The following ZEB1 variants were observed in gnomAD, a reference collection of about 807,000 sequenced individuals.
The protein encoded by ZEB1 is zinc finger E-box-binding homeobox 1.
In ZEB1, 21 loss-of-function variants were observed where a neutral mutation model predicts 84.9. The observed-to-expected ratio is 0.25, with a 90% CI of 0.18 to 0.36. ZEB1 has a LOEUF of 0.36. ZEB1 is among the 10% of genes least tolerant of loss of function. The pLI is 1.00. For missense variants in ZEB1, 1,104 were observed against 1,330.2 expected, an observed-to-expected ratio of 0.83 and a Z score of 2.65; for synonymous variants, 420 against 471.1, an observed-to-expected ratio of 0.89 and a Z score of 1.41.
chr10:31,335,880 A>G (rs977945183), intron 1 of ZEB1, among the ~76,000 whole-genome samples: 6 of 152,102 alleles, frequency 3.9e-5, no homozygotes, highest in African/African-American at 1.2e-4. Flanking sequence ...GAATTACTCA[A>G]AGTTTAAATT....
intron 1 of ZEB1, among the ~76,000 whole-genome samples, chr10:31,345,882 C>G (rs192737062): frequency 3.3e-5 from 5 of 152,130 alleles, no homozygotes; most frequent in Admixed American, 6.5e-5. Context: ...TCCAAAGATG[C>G]CTTACCACCT....
intron 3 of ZEB1, among the ~76,000 whole-genome samples, chr10:31,496,981 G>A (rs2067327803): frequency 6.6e-6 from 1 of 152,038 alleles, no homozygotes; most frequent in South Asian, 2.1e-4. Flanking sequence ...TGGAGTATGT[G>A]ATAATTTGTG....
intron 1 of ZEB1, among the ~76,000 whole-genome samples, chr10:31,452,702 TG>T (rs1376855384): frequency 0.016 from 554 of 35,486 alleles, 2 homozygotes; most frequent in African/African-American, 0.029. Flanking sequence ...TAGGATAAAA[TG>T]TGTGTGTGTG....
chr10:31,395,768 G>C (rs161279), intron 1 of ZEB1, among the ~76,000 whole-genome samples: 37,779 of 152,120 alleles, frequency 0.25, 10,388 homozygotes, highest in African/African-American at 0.69. Flanking sequence ...AGTTATACTT[G>C]TGGAAAATTT....
rs548245293 is a variant in ZEB1, at chr10:31,439,737, G to A, written c.59-21300G>A. Among the ~76,000 whole-genome samples the A allele has an allele frequency of 9.2e-5, 14 of 152,268 alleles. No homozygotes were observed. The South Asian group carries it at 2.3e-3, about 25-fold the overall frequency. On this transcript the variant is annotated intron_variant, in intron 1 of 8. Coordinates refer to ENST00000424869, the MANE Select transcript of ZEB1 (RefSeq NM_001174096.2). ...CTCCCTGAGGAGGTGGAATTGGGCAGTTCATAAAGAATATTACAGGTAGAG... is the reference window on the plus strand; with the variant it reads ...CTCCCTGAGGAGGTGGAATTGGGCAATTCATAAAGAATATTACAGGTAGAG...
chr10:31,460,957 T>A, intron 1 of ZEB1, 80 bp from the exon 2 acceptor site: 1 of 1,121,864 alleles, frequency 8.9e-7, no homozygotes, highest in Non-Finnish European at 1.3e-6. Flanking sequence ...GTTTTAAGCA[T>A]CTTTTTTATT....
rs371523472 is a variant in ZEB1, at chr10:31,359,470, C to T, written c.58+40178C>T. Among the ~76,000 whole-genome samples, 39 of 152,212 alleles carry T rather than the reference C, an allele frequency of 2.6e-4. 1 individual carries two copies. Among genetic ancestry groups the T allele is most frequent in the African/African-American group, 8.2e-4 (34 of 41,556 alleles). ...GGCTCTAAAACTCCATTCTGAAATACTCTTTTAACTTTGAAAGGGGTATGT... is the reference window on the plus strand; with the variant it reads ...GGCTCTAAAACTCCATTCTGAAATATTCTTTTAACTTTGAAAGGGGTATGT... On this transcript the variant is annotated intron_variant, in intron 1 of 8. Coordinates refer to ENST00000424869, the MANE Select transcript of ZEB1 (RefSeq NM_001174096.2).
chr10:31,358,868 A>T (rs1420049535), intron 1 of ZEB1, among the ~76,000 whole-genome samples: 3 of 151,852 alleles, frequency 2.0e-5, no homozygotes, highest in Non-Finnish European at 2.9e-5. Context: ...CATAGTCATT[A>T]CAAACAAATG....
In ZEB1 at chr10:31,353,775, A is replaced by G. The variant is rs77612106; in HGVS notation, c.58+34483A>G. Among the ~76,000 whole-genome samples the G allele has an allele frequency of 5.6e-3, 849 of 152,316 alleles. 13 individuals carry two copies. Among genetic ancestry groups the G allele is most frequent in the African/African-American group, 0.02 (814 of 41,570 alleles). On this transcript the variant is annotated intron_variant, in intron 1 of 8. Transcript: ENST00000424869. Reference sequence around the variant, plus strand: ...TTTAGTCTCATTAGTCACCAGCACCACCAACCTGTCATATTGGCAATACAT... The same window carrying G: ...TTTAGTCTCATTAGTCACCAGCACCGCCAACCTGTCATATTGGCAATACAT...
chr10:31,474,475 G>A (rs948140532), intron 2 of ZEB1, among the ~76,000 whole-genome samples: 14 of 152,094 alleles, frequency 9.2e-5, no homozygotes, highest in African/African-American at 3.1e-4. Flanking sequence ...CATCATCACT[G>A]GCCATCAGAG....
At chr10:31,450,873 C>CGTGTGTGTGTGTGTGT (rs137905132) in intron 1 of ZEB1, among the ~76,000 whole-genome samples, 1,591 of 149,534 alleles carry the variant, frequency 0.011, 17 homozygotes, top group Non-Finnish European at 0.019. Context: ...TAGGACTGAG[C>CGTGTGTGTGTGTGTGT]GTGTGTGTGT....
rs143916456 is a variant in ZEB1, at chr10:31,503,111, A to G, written c.484+602A>G. Among the ~76,000 whole-genome samples, 401 of 152,254 alleles carry G rather than the reference A, an allele frequency of 2.6e-3. 2 individuals carry two copies. The highest frequency in any genetic ancestry group is 6.1e-3 in the Admixed American group (94 of 15,292). ...AAATACAAAATTTAAAAATATATGT[A>G]TATTTACGTAAAATTTTTATGTGAC... is the stretch of plus-strand genomic sequence containing the variant. On this transcript the variant is annotated intron_variant, in intron 4 of 8. Transcript: ENST00000424869.
At position 31,346,071 on chromosome 10, in the gene ZEB1, A is replaced by G. The variant is rs149656830; in HGVS notation, c.58+26779A>G. Among the ~76,000 whole-genome samples, 443 of 152,276 alleles carry G rather than the reference A, an allele frequency of 2.9e-3. 1 individual carries two copies. The highest frequency in any genetic ancestry group is 5.4e-3 in the Admixed American group (83 of 15,290). Reference sequence around the variant, plus strand: ...TTGAAGCAGAAGCTACGATTTTCTTACTGTGTCCAGTTGTTTGGAAGTATG... The same window carrying G: ...TTGAAGCAGAAGCTACGATTTTCTTGCTGTGTCCAGTTGTTTGGAAGTATG... On this transcript the variant is annotated intron_variant, in intron 1 of 8. Transcript: ENST00000424869.
At chr10:31,419,016 G>A (rs1443146105) in intron 1 of ZEB1, among the ~76,000 whole-genome samples, 1 of 152,108 alleles carries the variant, frequency 6.6e-6, no homozygotes, top group Non-Finnish European at 1.5e-5. Flanking sequence ...TGCTCATCCT[G>A]TATTCTTAGT....
At chr10:31,484,225 T>C (rs868607382) in intron 2 of ZEB1, among the ~76,000 whole-genome samples, 42 of 152,002 alleles carry the variant, frequency 2.8e-4, no homozygotes, top group African/African-American at 9.9e-4. Context: ...GCAAAGTCCA[T>C]TTCACCATTT....
intron 5 of ZEB1, among the ~76,000 whole-genome samples, chr10:31,512,817 G>C (rs148235350): frequency 7.2e-5 from 11 of 152,250 alleles, no homozygotes; most frequent in African/African-American, 2.6e-4. Flanking sequence ...TCTGAGAATG[G>C]GATATCTGAA....
At chr10:31,436,939 C>T (rs573828952) in intron 1 of ZEB1, among the ~76,000 whole-genome samples, 81 of 152,168 alleles carry the variant, frequency 5.3e-4, no homozygotes, top group Non-Finnish European at 9.1e-4. Flanking sequence ...GCATGATCTT[C>T]TGCTTTATTG....
chr10:31,493,227 AGACT>A (rs2066795101), intron 2 of ZEB1, among the ~76,000 whole-genome samples: 2 of 151,982 alleles, frequency 1.3e-5, no homozygotes. Flanking sequence ...GTAACCTTTT[AGACT>A]GACTTTTTCA....
intron 2 of ZEB1, among the ~76,000 whole-genome samples, chr10:31,479,991 G>C (rs2064828471): frequency 6.6e-6 from 1 of 151,890 alleles, no homozygotes; most frequent in African/African-American, 2.4e-5. Context: ...TCATGCTTGT[G>C]TCAGTTAAAC....
Sources: allele counts gnomAD v4.1 joint callset (sites outside exome capture counted in the v4.1 genomes callset), GRCh38; gene constraint gnomAD v4.1.1; transcripts MANE v1.5; gene names NCBI Gene and HGNC (gene_info 2026-07-23, HGNC 2026-07-21).